The following SNX29 variants were observed in gnomAD, a reference collection of about 807,000 sequenced individuals.
SNX29 encodes sorting nexin 29, also known as sorting nexin-29.
Under a neutral mutation model 102.1 loss-of-function variants are expected in SNX29, and 78 were observed. The observed-to-expected ratio is 0.76, with a 90% CI of 0.64 to 0.92. SNX29 has a LOEUF of 0.92. Ranked by LOEUF, SNX29 falls within the 40% of genes least tolerant of loss-of-function variation. The pLI is 0.00. For synonymous variants in SNX29, 580 were observed against 414.5 expected (o/e 1.40, Z -4.85); for missense variants, 1,280 against 1,061.7 (o/e 1.21, Z -2.86).
intron 11 of SNX29, among the ~76,000 whole-genome samples, chr16:12,094,791 A>G (rs2052701689): frequency 6.6e-6 from 1 of 152,150 alleles, no homozygotes; most frequent in Non-Finnish European, 1.5e-5. Flanking sequence ...CCCAAACGAC[A>G]GTACTTGAGA....
chr16:12,361,688 T>C (rs2082303503), intron 16 of SNX29, among the ~76,000 whole-genome samples: 1 of 152,220 alleles, frequency 6.6e-6, no homozygotes, highest in South Asian at 2.1e-4. Flanking sequence ...AAATTTATTT[T>C]TTTCTTAAAC....
intron 11 of SNX29, among the ~76,000 whole-genome samples, chr16:12,120,444 C>G (rs541295421): frequency 6.6e-6 from 1 of 152,358 alleles, no homozygotes; most frequent in East Asian, 1.9e-4. Context: ...CCACACGTCA[C>G]CCTGTCTAGT....
intron 16 of SNX29, among the ~76,000 whole-genome samples, chr16:12,368,893 T>A (rs187532817): frequency 4.6e-4 from 70 of 152,336 alleles, no homozygotes; most frequent in African/African-American, 1.7e-3. Flanking sequence ...ATGGCCTCTC[T>A]GTTCTTTGAA....
intron 2 of SNX29, among the ~76,000 whole-genome samples, chr16:11,999,595 T>C (rs1314083717): frequency 6.6e-6 from 1 of 152,128 alleles, no homozygotes; most frequent in East Asian, 1.9e-4. Context: ...CATCCGTCAG[T>C]GATGTCCCTT....
At position 12,570,063 on chromosome 16, in the gene SNX29, A is replaced by T. The variant is rs982138568; in HGVS notation, c.*1434A>T. On this transcript the variant is annotated 3_prime_UTR_variant, in exon 21 of 21. Transcript: ENST00000566228. The stretch of plus-strand genomic sequence containing the variant: ...CCTAGGCTCGAGGACATCTCTGGAG[A>T]ATCATCTGGAAGGTTTATACTGTGC... 1 of 619,430 alleles carries T rather than the reference A, an allele frequency of 1.6e-6. No homozygotes were observed. The highest frequency in any genetic ancestry group is 1.9e-5 in the African/African-American group (1 of 52,140). The allele number at this position is 619,430 out of a possible 1,614,324, so 38.4% of individuals were successfully genotyped here.
intron 14 of SNX29, among the ~76,000 whole-genome samples, chr16:12,236,616 G>T (rs2077941978): frequency 6.6e-6 from 1 of 152,180 alleles, no homozygotes; most frequent in South Asian, 2.1e-4. Flanking sequence ...CATGCTGACT[G>T]CTGTCACTAC....
chr16:12,382,973 A>AT (rs1446183844), intron 16 of SNX29, among the ~76,000 whole-genome samples: 4 of 151,952 alleles, frequency 2.6e-5, no homozygotes, highest in African/African-American at 9.7e-5. Context: ...CTTTTTCCAC[A>AT]TTTACAAGTC....
intron 13 of SNX29, among the ~76,000 whole-genome samples, chr16:12,183,170 T>A (rs2076431049): frequency 6.6e-6 from 1 of 152,074 alleles, no homozygotes; most frequent in Non-Finnish European, 1.5e-5. Context: ...GGGCTAATTT[T>A]AAATTTTTGT....
intron 18 of SNX29, among the ~76,000 whole-genome samples, chr16:12,472,556 GA>G (rs939192128): frequency 3.7e-4 from 47 of 125,474 alleles, no homozygotes; most frequent in African/African-American, 1.1e-3. Flanking sequence ...AAAAAAAAAA[GA>G]AAAAAACAGG....
intron 18 of SNX29, among the ~76,000 whole-genome samples, chr16:12,435,669 G>T (rs1166864802): frequency 6.6e-6 from 1 of 152,236 alleles, no homozygotes; most frequent in Non-Finnish European, 1.5e-5. Flanking sequence ...GCTGCATCCA[G>T]TAGCCCAGTC....
intron 20 of SNX29, among the ~76,000 whole-genome samples, chr16:12,542,851 CAG>C (rs1174347020): frequency 1.3e-5 from 2 of 151,766 alleles, no homozygotes; most frequent in Admixed American, 6.6e-5. Context: ...GAGCAGTACT[CAG>C]AAATGCTAAA....
chr16:12,405,014 T>G (rs1035649623), intron 18 of SNX29, among the ~76,000 whole-genome samples: 7 of 152,202 alleles, frequency 4.6e-5, no homozygotes, highest in African/African-American at 1.7e-4. Flanking sequence ...TGTTCCCAGC[T>G]CCGGTTTAAA....
chr16:12,377,897 G>T (rs185660839), intron 16 of SNX29, among the ~76,000 whole-genome samples: 98 of 152,264 alleles, frequency 6.4e-4, no homozygotes, highest in African/African-American at 2.2e-3. Flanking sequence ...GGGATTGAGG[G>T]TTTTCCTTTG....
Position 12,362,571 on chromosome 16 carries a change from C to G in SNX29, c.1899+6292C>G, listed in dbSNP as rs1246416156. On this transcript the variant is annotated intron_variant, in intron 16 of 20. Transcript: ENST00000566228. The stretch of plus-strand genomic sequence containing the variant: ...GCTGCACTCCCCCCCCACCCCCCCC[C>G]CCACCAGTTTCTCCTCATGCTCCCC... Among the ~76,000 whole-genome samples, 139 of 79,882 alleles carry G rather than the reference C, an allele frequency of 1.7e-3. 2 individuals are homozygous for G. The highest frequency in any genetic ancestry group is 5.6e-3 in the African/African-American group (127 of 22,822). The allele number at this position is 79,882 out of a possible 152,430, so 52.4% of individuals were successfully genotyped here.
intron 18 of SNX29, among the ~76,000 whole-genome samples, chr16:12,409,308 T>C (rs986684979): frequency 6.6e-6 from 1 of 152,248 alleles, no homozygotes; most frequent in Non-Finnish European, 1.5e-5. Flanking sequence ...TTTCTGGCAC[T>C]TCCATATGAC....
chr16:12,038,355 C>G (rs573562172), intron 4 of SNX29, among the ~76,000 whole-genome samples: 18 of 152,290 alleles, frequency 1.2e-4, no homozygotes, highest in Admixed American at 6.5e-4. Flanking sequence ...GAAACTTTCC[C>G]AAAAGCCTGG....
intron 18 of SNX29, among the ~76,000 whole-genome samples, chr16:12,471,289 C>A (rs1203302567): frequency 1.3e-5 from 2 of 152,186 alleles, no homozygotes; most frequent in South Asian, 4.1e-4. Flanking sequence ...AAATTTTACC[C>A]TGGAATGTTG....
intron 16 of SNX29, among the ~76,000 whole-genome samples, chr16:12,358,065 C>A (rs1567474666): frequency 6.6e-6 from 1 of 152,180 alleles, no homozygotes; most frequent in Non-Finnish European, 1.5e-5. Context: ...CTTATCACTT[C>A]CTGGGTCCAT....
chr16:12,185,925 A>G (rs2076499418), intron 13 of SNX29, among the ~76,000 whole-genome samples: 1 of 152,196 alleles, frequency 6.6e-6, no homozygotes, highest in African/African-American at 2.4e-5. Context: ...ATGTCACTCA[A>G]AGTGTTTCCT....
Sources: allele counts gnomAD v4.1 joint callset (sites outside exome capture counted in the v4.1 genomes callset), GRCh38; gene constraint gnomAD v4.1.1; transcripts MANE v1.5; gene names NCBI Gene and HGNC (gene_info 2026-07-23, HGNC 2026-07-21).